PRKN: variants seen among roughly 807,000 people sequenced by gnomAD.
The protein encoded by PRKN is E3 ubiquitin-protein ligase parkin.
A neutral mutation model predicts 59.5 loss-of-function variants in PRKN; 56 were observed. That is an observed-to-expected ratio of 0.94 (90% CI 0.76 to 1.18). The LOEUF (loss-of-function observed/expected upper bound fraction) is 1.18. Ranked by LOEUF, PRKN falls within the 50% of genes most tolerant of loss-of-function variation. The pLI, the probability that PRKN is intolerant of heterozygous loss-of-function variation, is 0.00. For synonymous variants in PRKN, 250 were observed against 222.1 expected (o/e 1.13, Z -1.12); for missense variants, 657 against 596.4 (o/e 1.10, Z -1.06).
rs560655971 is a variant in PRKN, at chr6:161,370,591, C to CAAAAAAAA, written c.1168-10394_1168-10387dup. Among the ~76,000 whole-genome samples, 192 of 57,814 alleles carry CAAAAAAAA rather than the reference C, an allele frequency of 3.3e-3. 22 individuals carry two copies. Among genetic ancestry groups the CAAAAAAAA allele is most frequent in the African/African-American group, 0.016 (184 of 11,772 alleles). 37.9% of individuals were successfully genotyped at this position (57,814 alleles called of 152,430 possible). On this transcript the variant is annotated intron_variant, in intron 10 of 11. Coordinates refer to ENST00000366898, the MANE Select transcript of PRKN (RefSeq NM_004562.3). ...TGGGCGACAGAGCAAGACTCTGTGTCAAAAAAAAAAAAAAAAAAAAGCCGA... is the reference window on the plus strand; with the variant it reads ...TGGGCGACAGAGCAAGACTCTGTGTCAAAAAAAAAAAAAAAAAAAAAAAAAAAAGCCGA...
rs960505903 is a variant in PRKN, at chr6:161,417,776, C to A, written c.1084-30899G>T. Among the ~76,000 whole-genome samples the A allele has an allele frequency of 6.6e-6, 1 of 152,164 alleles. No homozygotes were observed. Among genetic ancestry groups the A allele is most frequent in the African/African-American group, 2.4e-5 (1 of 41,434 alleles). On this transcript the variant is annotated intron_variant, in intron 9 of 11. Transcript: ENST00000366898. The surrounding 1 kb of genome is among the most constrained non-coding windows in gnomAD (Gnocchi z 5.4). The stretch of plus-strand genomic sequence containing the variant: ...GTTTTAACCTCTAGACCTAGAGAAC[C>A]AAATTAGATGAAAATACCAGCTTTT...
rs75034487 is a variant in PRKN at position 162,309,450 on chromosome 6, C to T, written c.172-46685G>A. 5.9e-3 allele frequency among the ~76,000 whole-genome samples: 891 copies of T among 152,300 alleles called. 7 individuals are homozygous for T. Among genetic ancestry groups the T allele is most frequent in the Middle Eastern group, 0.017 (5 of 294 alleles). On this transcript the variant is annotated intron_variant, in intron 2 of 11. Coordinates refer to ENST00000366898, the MANE Select transcript of PRKN (RefSeq NM_004562.3). Reference sequence around the variant, plus strand: ...AAACTGCTGGGATTACAGGCGTGAGCCAGAAAATCACAACTCTATCCAGAA... The same window carrying T: ...AAACTGCTGGGATTACAGGCGTGAGTCAGAAAATCACAACTCTATCCAGAA...
chr6:162,111,301 T>TA (rs1454089537), intron 4 of PRKN, among the ~76,000 whole-genome samples: 1 of 151,940 alleles, frequency 6.6e-6, no homozygotes, highest in Non-Finnish European at 1.5e-5. Flanking sequence ...CCGTCTCTAC[T>TA]AAAAATACAA....
chr6:161,489,295 C>T (rs1019509117), intron 9 of PRKN, among the ~76,000 whole-genome samples: 4 of 151,698 alleles, frequency 2.6e-5, no homozygotes, highest in Non-Finnish European at 4.4e-5. Context: ...CACAGTGGCT[C>T]ATGCCTGCAA....
intron 9 of PRKN, among the ~76,000 whole-genome samples, chr6:161,394,338 T>C (rs1044298557): frequency 1.3e-5 from 2 of 151,920 alleles, no homozygotes; most frequent in Non-Finnish European, 2.9e-5. Context: ...GGAGGCTGGA[T>C]ACAGCTCTGT....
intron 3 of PRKN, among the ~76,000 whole-genome samples, chr6:162,223,773 C>T (rs1238007259): frequency 6.6e-6 from 1 of 151,998 alleles, no homozygotes; most frequent in Non-Finnish European, 1.5e-5. Flanking sequence ...AATGTCATTC[C>T]CACAGCTCTA....
intron 4 of PRKN, among the ~76,000 whole-genome samples, chr6:162,196,179 G>C (rs1784488651): frequency 6.6e-6 from 1 of 152,162 alleles, no homozygotes; most frequent in South Asian, 2.1e-4. Context: ...GATTTAGTGA[G>C]AAGCCTTCAG....
chr6:161,942,210 C>T (rs1321564992), intron 6 of PRKN, among the ~76,000 whole-genome samples: 9 of 152,104 alleles, frequency 5.9e-5, no homozygotes, highest in South Asian at 2.1e-4. Context: ...CTCACCAAAA[C>T]AACTCATTGG....
chr6:161,976,822 A>G (rs1194447992), intron 5 of PRKN, among the ~76,000 whole-genome samples: 1 of 152,252 alleles, frequency 6.6e-6, no homozygotes, highest in South Asian at 2.1e-4. Flanking sequence ...AAATAGATAG[A>G]AAGCACTTAC....
At chr6:162,225,157 A>T (rs1778113532) in intron 3 of PRKN, among the ~76,000 whole-genome samples, 1 of 152,158 alleles carries the variant, frequency 6.6e-6, no homozygotes, top group Non-Finnish European at 1.5e-5. Flanking sequence ...GCAGGTGCAA[A>T]AGACAAAACA....
chr6:161,585,133 G>C (rs1208000082), intron 7 of PRKN, among the ~76,000 whole-genome samples: 1 of 152,180 alleles, frequency 6.6e-6, no homozygotes, highest in Non-Finnish European at 1.5e-5. Flanking sequence ...GGAGGCACTT[G>C]GGAGGAAGCC....
chr6:161,738,452 G>A (rs767359597), intron 7 of PRKN, among the ~76,000 whole-genome samples: 1 of 152,184 alleles, frequency 6.6e-6, no homozygotes, highest in Non-Finnish European at 1.5e-5. Flanking sequence ...AAAAGTCACT[G>A]AAATGGACCT....
intron 1 of PRKN, among the ~76,000 whole-genome samples, chr6:162,679,813 C>G (rs2849531): frequency 0.37 from 55,811 of 151,802 alleles, 10,454 homozygotes; most frequent in Non-Finnish European, 0.41. Context: ...CCTGGGTGCC[C>G]TCTCTATTTT....
At chr6:161,613,854 G>A (rs547700909) in intron 7 of PRKN, among the ~76,000 whole-genome samples, 3 of 152,186 alleles carry the variant, frequency 2.0e-5, no homozygotes, top group Non-Finnish European at 4.4e-5. Context: ...CATAGTTTCT[G>A]TGGTTCAGAA....
In PRKN at chr6:161,538,542, G is replaced by C. The variant is rs1779505980; in HGVS notation, c.1083+10312C>G. Among the ~76,000 whole-genome samples, 1 of 152,040 alleles carries C rather than the reference G, an allele frequency of 6.6e-6. No homozygotes were observed. On this transcript the variant is annotated intron_variant, in intron 9 of 11. Coordinates refer to ENST00000366898, the MANE Select transcript of PRKN (RefSeq NM_004562.3). This position sits in a 1 kb window ranked among gnomAD's most constrained non-coding sequence, Gnocchi z 4.2. ...AGCCAGGACAGATCAGATTTGCCTA[G>C]GGGACACTTCAAGTTTCCACTTCTT...
At chr6:162,690,708 T>C (rs1003316299) in intron 1 of PRKN, among the ~76,000 whole-genome samples, 4 of 152,218 alleles carry the variant, frequency 2.6e-5, no homozygotes, top group East Asian at 1.9e-4. Flanking sequence ...CAACATGCCA[T>C]TTTCCTCTCG....
rs974975513 is a variant in PRKN at position 161,844,256 on chromosome 6, T to C, written c.735-58348A>G. On this transcript the variant is annotated intron_variant, in intron 6 of 11. Transcript: ENST00000366898. ...CGCTTATAATGGTGGCAATGACCCT[T>C]TCCCTTTGTTACCTAGCTGAAAAAA... Among the ~76,000 whole-genome samples, 5 of 152,336 alleles carry C rather than the reference T, an allele frequency of 3.3e-5. No individual in the cohort carries two copies. The South Asian group carries it at 8.3e-4, about 25-fold the overall frequency.
rs143639812 is a variant in PRKN, at chr6:161,523,189, T to C, written c.1083+25665A>G. The stretch of plus-strand genomic sequence containing the variant: ...GTATCTATTATGCTAAGATAATTTA[T>C]GCTAGGATAATATTTTTGATAGGAA... On this transcript the variant is annotated intron_variant, in intron 9 of 11. Coordinates refer to ENST00000366898, the MANE Select transcript of PRKN (RefSeq NM_004562.3). 4.5e-3 allele frequency among the ~76,000 whole-genome samples: 680 copies of C among 152,328 alleles called. 5 individuals are homozygous for C. Among genetic ancestry groups the C allele is most frequent in the Middle Eastern group, 0.024 (7 of 294 alleles).
intron 5 of PRKN, among the ~76,000 whole-genome samples, chr6:162,021,118 ACATATATAT>A (rs1562465263): frequency 1.6e-4 from 5 of 32,186 alleles, no homozygotes; most frequent in African/African-American, 6.3e-4. Context: ...AAAAACAAAA[ACATATATAT>A]ATATATATAT....
Sources: gnomAD v4.1 joint callset for allele counts (sites outside exome capture counted in the v4.1 genomes callset) on GRCh38, gnomAD v4.1.1 for gene constraint, Gnocchi (gnomAD v3.1) non-coding constraint, MANE v1.5 for transcripts, NCBI Gene and HGNC (gene_info 2026-07-23, HGNC 2026-07-21) for gene names.